The following MAST4 variants were observed in gnomAD, a reference collection of about 807,000 sequenced individuals.
MAST4 encodes microtubule-associated serine/threonine-protein kinase 4.
A neutral mutation model predicts 162.7 loss-of-function variants in MAST4; 89 were observed. The ratio of observed to expected loss-of-function variants is 0.55; its 90% CI spans 0.46 to 0.65. The LOEUF (loss-of-function observed/expected upper bound fraction) is 0.65. Ranked by LOEUF, MAST4 falls within the 30% of genes least tolerant of loss-of-function variation. The pLI is 0.00. For missense variants in MAST4, 3,153 were observed against 3,374.0 expected (o/e 0.93, Z 1.62); for synonymous variants, 1,479 against 1,361.1 (o/e 1.09, Z -1.91).
chr5:67,085,717 G>A (rs555214902), intron 5 of MAST4, among the ~76,000 whole-genome samples: 1 of 152,136 alleles, frequency 6.6e-6, no homozygotes, highest in Admixed American at 6.5e-5. Flanking sequence ...TTTTTTTCTT[G>A]GCCACTTAGA....
Position 66,899,932 on chromosome 5 carries a change from GT to G in MAST4, c.643-10del, listed in dbSNP as rs151148515. 3.2e-5 allele frequency: 47 copies of G among 1,470,956 alleles called. No individual in the cohort carries two copies. Among genetic ancestry groups the G allele is most frequent in the South Asian group, 1.5e-4 (11 of 72,836 alleles). The allele number at this position is 1,470,956 out of a possible 1,614,324, so 91.1% of individuals were successfully genotyped here. A position where few individuals can be genotyped will look rare whatever the true frequency, so the allele number is the denominator to read the frequency against. On this transcript the variant is annotated intron_variant, in intron 3 of 28. Transcript: ENST00000403625. Reference sequence around the variant, plus strand: ...GTTAATGCAGCATTGCTTATATATGGTTTTTTTTTCTTTTGCAGAAGGAGCT... The same window carrying G: ...GTTAATGCAGCATTGCTTATATATGGTTTTTTTTCTTTTGCAGAAGGAGCT...
At chr5:66,680,205 C>T (rs1456285220) in intron 1 of MAST4, among the ~76,000 whole-genome samples, 1 of 152,160 alleles carries the variant, frequency 6.6e-6, no homozygotes, top group Non-Finnish European at 1.5e-5. Context: ...TTTACTAGTT[C>T]CTGGCTCCTT....
Position 66,596,594 on chromosome 5 carries a change from G to C in MAST4, c.-62G>C. ...AGCCCAGGAGCCCGCGTCTTCCCCG[G>C]GAGGCGCTGAGTGCGCGCCGCGCCC... On this transcript the variant is annotated 5_prime_UTR_variant, in exon 1 of 29. Coordinates refer to ENST00000403625, the MANE Select transcript of MAST4 (RefSeq NM_001164664.2). The C allele has an allele frequency of 7.3e-7, 1 of 1,374,098 alleles. No homozygotes were observed. Among genetic ancestry groups the C allele is most frequent in the Non-Finnish European group, 9.4e-7 (1 of 1,067,954 alleles). The allele number at this position is 1,374,098 out of a possible 1,614,324, so 85.1% of individuals were successfully genotyped here. A position where few individuals can be genotyped will look rare whatever the true frequency, so the allele number is the denominator to read the frequency against.
chr5:66,845,277 C>T (rs1758765730), intron 3 of MAST4, among the ~76,000 whole-genome samples: 1 of 151,510 alleles, frequency 6.6e-6, no homozygotes, highest in Admixed American at 6.6e-5. Flanking sequence ...CATCCCTCCA[C>T]CCCACAACAG....
At chr5:66,855,946 G>A (rs1302700587) in intron 3 of MAST4, among the ~76,000 whole-genome samples, 3 of 152,138 alleles carry the variant, frequency 2.0e-5, no homozygotes, top group African/African-American at 7.2e-5. Flanking sequence ...AGGATCACTT[G>A]ATCCCAGGAG....
intron 4 of MAST4, among the ~76,000 whole-genome samples, chr5:66,952,084 G>T (rs1366243400): frequency 6.6e-6 from 1 of 152,132 alleles, no homozygotes; most frequent in Non-Finnish European, 1.5e-5. Context: ...GGAGCTTCTT[G>T]AGAAGAGGTG....
chr5:66,672,505 A>T (rs1357497555), intron 1 of MAST4, among the ~76,000 whole-genome samples: 1 of 152,210 alleles, frequency 6.6e-6, no homozygotes, highest in Non-Finnish European at 1.5e-5. Flanking sequence ...TGCATCTTAA[A>T]AAGGTATATA....
At chr5:67,122,050 A>G (rs1323086367) in intron 14 of MAST4, among the ~76,000 whole-genome samples, 1 of 151,898 alleles carries the variant, frequency 6.6e-6, no homozygotes, top group African/African-American at 2.4e-5. Context: ...TAGACACATA[A>G]TTTTCTCCTT....
At chr5:67,041,416 A>AC (rs1474983745) in intron 4 of MAST4, among the ~76,000 whole-genome samples, 7 of 152,252 alleles carry the variant, frequency 4.6e-5, no homozygotes, top group Admixed American at 2.6e-4. Flanking sequence ...CCTAGAACTA[A>AC]CCTCTTGTAT....
At chr5:66,863,530 A>G (rs1760264161) in intron 3 of MAST4, among the ~76,000 whole-genome samples, 1 of 150,354 alleles carries the variant, frequency 6.7e-6, no homozygotes. Flanking sequence ...CTCTCCTCCC[A>G]CCCCTACCTC....
intron 5 of MAST4, among the ~76,000 whole-genome samples, chr5:67,061,541 T>C (rs991074463): frequency 1.3e-5 from 2 of 152,040 alleles, no homozygotes; most frequent in African/African-American, 2.4e-5. Context: ...TAGAAGTTAT[T>C]ATTTTTCATT....
chr5:66,740,256 T>C (rs1049140467), intron 1 of MAST4, among the ~76,000 whole-genome samples: 1 of 150,874 alleles, frequency 6.6e-6, no homozygotes, highest in Non-Finnish European at 1.5e-5. Context: ...GCAGAGAACA[T>C]GTTGTGAGGC....
Position 67,166,955 on chromosome 5 carries a change from C to A in MAST4, c.7776C>A (p.Asp2592Glu), listed in dbSNP as rs1774102024. Residue 2592 changes from aspartate (D) to glutamate (E), a missense_variant, in exon 29 of 29, where the codon GAC becomes GAA. By Grantham distance (45) the Asp-to-Glu change is conservative. This residue lies in a region of MAST4 where 1,644 missense variants were observed against 1,495.0 expected (regional missense o/e 1.10). Transcript: ENST00000403625. The part of the protein sequence containing the change: ...VTKPSPAPNT[D>E]RPISLSNEKD... The stretch of plus-strand genomic sequence containing the variant: ...AGCCATCCCCAGCCCCAAACACTGA[C>A]CGCCCCATCTCTCTTTCTAATGAGA... The A allele has an allele frequency of 6.2e-7, 1 of 1,612,482 alleles. No homozygotes were observed. Among genetic ancestry groups the A allele is most frequent in the Non-Finnish European group, 8.5e-7 (1 of 1,179,718 alleles).
chr5:66,755,062 T>G (rs979766013), intron 1 of MAST4, among the ~76,000 whole-genome samples: 1 of 152,052 alleles, frequency 6.6e-6, no homozygotes, highest in Non-Finnish European at 1.5e-5. Context: ...TCTGGCTTCA[T>G]TTTAGAAGGG....
chr5:66,686,652 G>A (rs1015793458), intron 1 of MAST4, among the ~76,000 whole-genome samples: 5 of 152,122 alleles, frequency 3.3e-5, no homozygotes, highest in Non-Finnish European at 5.9e-5. Context: ...TTCCTCATTA[G>A]CCCATAACCA....
intron 3 of MAST4, among the ~76,000 whole-genome samples, chr5:66,868,459 A>ATG (rs1354296124): frequency 6.8e-6 from 1 of 146,170 alleles, no homozygotes; most frequent in Non-Finnish European, 1.5e-5. Flanking sequence ...ATATACGTAT[A>ATG]TGTATATATA....
Position 66,883,249 on chromosome 5 carries a change from G to A in MAST4, c.643-16702G>A, listed in dbSNP as rs112455358. Among the ~76,000 whole-genome samples, 1,238 of 152,150 alleles carry A rather than the reference G, an allele frequency of 8.1e-3. 25 individuals carry two copies. The highest frequency in any genetic ancestry group is 0.028 in the African/African-American group (1,173 of 41,502). The stretch of plus-strand genomic sequence containing the variant: ...CTTTTCACTTCTAGCTTTTCTTTCT[G>A]TCTTCACTCATATTGTGAGCAGTGG... On this transcript the variant is annotated intron_variant, in intron 3 of 28. Transcript: ENST00000403625.
chr5:67,071,450 A>G (rs955274253), intron 5 of MAST4, among the ~76,000 whole-genome samples: 3 of 152,016 alleles, frequency 2.0e-5, no homozygotes, highest in Non-Finnish European at 2.9e-5. Context: ...TGGAAAAGTC[A>G]CTTAAAGATA....
chr5:66,639,093 A>G (rs1446305154), intron 1 of MAST4, among the ~76,000 whole-genome samples: 1 of 152,128 alleles, frequency 6.6e-6, no homozygotes, highest in African/African-American at 2.4e-5. Flanking sequence ...AGAGAAGAGA[A>G]TGGGTCTTGG....
Sources: gnomAD v4.1 joint callset for allele counts (sites outside exome capture counted in the v4.1 genomes callset) on GRCh38, gnomAD v4.1.1 for gene constraint, gnomAD v4.1.1 regional missense constraint, MANE v1.5 for transcripts, NCBI Gene and HGNC (gene_info 2026-07-23, HGNC 2026-07-21) for gene names.